The following ROS1 variants were observed in gnomAD, a reference collection of about 807,000 sequenced individuals.
ROS1 encodes ROS proto-oncogene 1, receptor tyrosine kinase.
A neutral mutation model predicts 273.5 loss-of-function variants in ROS1; 263 were observed. The observed-to-expected ratio is 0.96, with a 90% confidence interval of 0.87 to 1.06. The LOEUF (loss-of-function observed/expected upper bound fraction) is 1.06, where lower values mean the gene tolerates loss of function less well. Ranked by LOEUF, ROS1 falls within the 50% of genes least tolerant of loss-of-function variation. The pLI is 0.00. For synonymous variants in ROS1, 1,008 were observed against 954.1 expected, an observed-to-expected ratio of 1.06 and a Z score of -1.04; for missense variants, 2,833 against 2,751.1, an observed-to-expected ratio of 1.03 and a Z score of -0.67.
chr6:117,307,668 T>C (rs1775208544), intron 42 of ROS1, among the ~76,000 whole-genome samples: 1 of 152,130 alleles, frequency 6.6e-6, no homozygotes, highest in South Asian at 2.1e-4. Flanking sequence ...CAGAGACTAT[T>C]AAGTTAAATC....
intron 29 of ROS1, among the ~76,000 whole-genome samples, chr6:117,341,912 G>C (rs1192174080): frequency 1.3e-5 from 2 of 152,116 alleles, no homozygotes; most frequent in Non-Finnish European, 2.9e-5. Flanking sequence ...AATATCATCA[G>C]AGACATCTGA....
Position 117,316,515 on chromosome 6 carries a change from C to T in ROS1, c.6117+628G>A, listed in dbSNP as rs193249255. ...ACAGGTAGTCACCCCCAGTCCTGTC[C>T]GCCATTCCACAGTATTTCCAGGGTT... On this transcript the variant is annotated intron_variant, in intron 39 of 43. Transcript: ENST00000368507. Among the ~76,000 whole-genome samples the T allele has an allele frequency of 3.2e-3, 480 of 152,160 alleles. 1 individual carries two copies. Among genetic ancestry groups the T allele is most frequent in the Non-Finnish European group, 5.2e-3 (354 of 67,990 alleles).
At chr6:117,418,426 A>T in intron 2 of ROS1, 36 bp downstream of exon 2, 4 of 1,459,416 alleles carry the variant, frequency 2.7e-6, no homozygotes, top group Non-Finnish European at 3.8e-6. Flanking sequence ...CAACACAAAC[A>T]TTGTAATATT....
intron 5 of ROS1, among the ~76,000 whole-genome samples, chr6:117,405,727 A>G (rs888898255): frequency 3.3e-5 from 5 of 152,228 alleles, no homozygotes; most frequent in African/African-American, 7.2e-5. Context: ...GAGCCAAATG[A>G]AAAAGGGAAG....
chr6:117,378,844 T>C (rs1250954323), intron 18 of ROS1, among the ~76,000 whole-genome samples: 1 of 152,168 alleles, frequency 6.6e-6, no homozygotes, highest in Non-Finnish European at 1.5e-5. Context: ...CTCCTGAGTG[T>C]CTATACTGTA....
chr6:117,300,996 T>A lies in ROS1; in HGVS notation c.6693A>T (p.Gly2231=), dbSNP rs2128536653. Residue 2231 remains glycine (G), a synonymous_variant, in exon 43 of 44, where the codon GGA becomes GGT. Coordinates refer to ENST00000368507, the MANE Select transcript of ROS1 (RefSeq NM_001378902.1). The stretch of plus-strand genomic sequence containing the variant: ...TACCTTCAAAGCTTTCATTTATGAC[T>A]CCACTGTTGTTTGCTTCATCTCTGG... ...YKSRDEANNS[G]VINESFEGED... 1 of 1,580,296 alleles carries A rather than the reference T, an allele frequency of 6.3e-7. No individual in the cohort carries two copies. The highest frequency in any genetic ancestry group is 1.2e-5 in the South Asian group (1 of 83,014).
chr6:117,351,291 T>C (rs1778843553), intron 27 of ROS1, among the ~76,000 whole-genome samples: 1 of 152,176 alleles, frequency 6.6e-6, no homozygotes, highest in Non-Finnish European at 1.5e-5. Context: ...TGGGCACTTC[T>C]CTTTACCCAG....
Position 117,418,526 on chromosome 6 carries a change from A to G in ROS1, c.124-20T>C, listed in dbSNP as rs924251934. ...CTGGCCCTGAAATGAAGAAGGAGGT[A>G]GTAAACACCAGCCATCAGTACTGGG... On this transcript the variant is annotated intron_variant, in intron 1 of 43. Transcript: ENST00000368507. 42 of 1,588,334 alleles carry G rather than the reference A, an allele frequency of 2.6e-5. No individual in the cohort carries two copies. Among genetic ancestry groups the G allele is most frequent in the Non-Finnish European group, 3.1e-5 (36 of 1,168,314 alleles).
intron 17 of ROS1, among the ~76,000 whole-genome samples, chr6:117,380,126 G>A (rs1307259367): frequency 5.9e-5 from 9 of 152,008 alleles, no homozygotes; most frequent in East Asian, 1.9e-4. Context: ...GCCTGATTTC[G>A]GAGCAGTGCA....
Position 117,357,946 on chromosome 6 carries a change from G to T in ROS1, c.3697C>A (p.Leu1233Ile), listed in dbSNP as rs376300326. Reference protein sequence around the residue: ...VITIDWISRHLYFALKESQNG... With the variant: ...VITIDWISRHIYFALKESQNG... ...TGTGATTCTTTCAGTGCAAAGTAGA[G>T]GTGCCTTGAAATCCAGTCAATTGTA... The change falls in exon 25 of 44, where the codon CTC (leucine) becomes ATC (isoleucine). Residue 1233 changes from leucine (L) to isoleucine (I), a missense_variant. By Grantham distance (5) the Leu-to-Ile change is conservative. Transcript: ENST00000368507. 4 of 1,613,550 alleles carry T rather than the reference G, an allele frequency of 2.5e-6. No homozygotes were observed. The African/African-American group carries it at 4.0e-5, about 16-fold the overall frequency.
intron 27 of ROS1, among the ~76,000 whole-genome samples, chr6:117,349,211 T>C (rs1464140901): frequency 6.6e-6 from 1 of 151,974 alleles, no homozygotes; most frequent in Non-Finnish European, 1.5e-5. Flanking sequence ...TTCATCTGTT[T>C]CTTGCAGTTC....
intron 6 of ROS1, 129 bp from the exon 7 acceptor site, chr6:117,403,406 A>C (rs572264955): frequency 1.1e-6 from 1 of 912,672 alleles, no homozygotes; most frequent in South Asian, 1.7e-5. Context: ...CCTGGAGCTT[A>C]GAGCTAAGCC....
chr6:117,371,850 T>A (rs140033902), intron 18 of ROS1, among the ~76,000 whole-genome samples: 2 of 152,212 alleles, frequency 1.3e-5, no homozygotes, highest in Admixed American at 6.5e-5. Flanking sequence ...ATAATATCCC[T>A]GGGAACATAA....
chr6:117,342,318 T>G (rs1361296255), intron 29 of ROS1, 82 bp downstream of exon 29: 54 of 1,323,124 alleles, frequency 4.1e-5, no homozygotes, highest in Non-Finnish European at 5.4e-5. Context: ...CGCATTCAGA[T>G]TTTAAAAAAT....
intron 18 of ROS1, among the ~76,000 whole-genome samples, chr6:117,373,862 G>A (rs769509600): frequency 2.0e-5 from 3 of 152,354 alleles, no homozygotes; most frequent in South Asian, 2.1e-4. Flanking sequence ...TACCAACAGC[G>A]ACCAAGCTGA....
chr6:117,321,077 C>A (rs2128562503), intron 36 of ROS1, 182 bp downstream of exon 36: 1 of 561,844 alleles, frequency 1.8e-6, no homozygotes, highest in South Asian at 4.6e-5. Flanking sequence ...TTCTTAAAAC[C>A]ACATAATTTT....
chr6:117,379,948 A>G (rs926558592), intron 17 of ROS1, among the ~76,000 whole-genome samples: 7 of 152,120 alleles, frequency 4.6e-5, no homozygotes, highest in Non-Finnish European at 1.0e-4. Flanking sequence ...TCTTGTTGCA[A>G]TGTATATCTT....
At chr6:117,307,352 A>G (rs1210053088) in intron 42 of ROS1, among the ~76,000 whole-genome samples, 1 of 152,178 alleles carries the variant, frequency 6.6e-6, no homozygotes, top group Non-Finnish European at 1.5e-5. Context: ...ATAACATTCT[A>G]ACAGCACAAG....
chr6:117,324,336 G>A lies in ROS1; in HGVS notation c.5619C>T (p.Thr1873=), dbSNP rs747431868. 6.8e-7 allele frequency: 1 copy of A among 1,467,892 alleles called. No homozygotes were observed. The highest frequency in any genetic ancestry group is 1.2e-5 in the South Asian group (1 of 84,566). The allele number at this position is 1,467,892 out of a possible 1,614,324, so 90.9% of individuals were successfully genotyped here. Reference sequence around the variant, plus strand: ...TAAAAATTCTATTATACTTACCAAAGGTCAGTGGGATTGTAACAACCAGAA... The same window carrying A: ...TAAAAATTCTATTATACTTACCAAAAGTCAGTGGGATTGTAACAACCAGAA... ...GIFLVVTIPL[T]FVWHRRLKNQ... Residue 1873 remains threonine (T), a synonymous_variant, in exon 35 of 44, where the codon ACC becomes ACT. Transcript: ENST00000368507.
Sources: gnomAD v4.1 joint callset for allele counts (sites outside exome capture counted in the v4.1 genomes callset) on GRCh38, gnomAD v4.1.1 for gene constraint, MANE v1.5 for transcripts, NCBI Gene and HGNC (gene_info 2026-07-23, HGNC 2026-07-21) for gene names.